BLACAT1: variants seen among roughly 807,000 people sequenced by gnomAD.
The protein encoded by BLACAT1 is BLACAT1 overlapping LEMD1 locus, also known as bladder cancer associated transcript 1.
At chr1:205,445,148 A>C (rs995198202) in intron 1 of BLACAT1, among the ~76,000 whole-genome samples, 2 of 152,046 alleles carry the variant, frequency 1.3e-5, no homozygotes, top group Admixed American at 1.3e-4. Flanking sequence ...AAAGAATTAA[A>C]AACGAAGGGG....
chr1:205,445,535 G>C (rs962097709), intron 1 of BLACAT1, among the ~76,000 whole-genome samples: 10 of 152,228 alleles, frequency 6.6e-5, no homozygotes, highest in Non-Finnish European at 1.3e-4. Flanking sequence ...ACAGACCCTA[G>C]CTTGCCAGAC....
At chr1:205,444,343 A>G (rs1331733883) in intron 1 of BLACAT1, among the ~76,000 whole-genome samples, 1 of 151,786 alleles carries the variant, frequency 6.6e-6, no homozygotes, top group Non-Finnish European at 1.5e-5. Context: ...CAGGTCCAAG[A>G]TGGTTTACGG....
exon 2 of BLACAT1, among the ~76,000 whole-genome samples, chr1:205,440,053 C>G (rs530182234): frequency 5.9e-5 from 9 of 152,152 alleles, no homozygotes; most frequent in African/African-American, 2.2e-4. Context: ...TGAACGCAGT[C>G]CCCTCTATGG....
chr1:205,448,782 TG>T lies in BLACAT1; in HGVS notation c.-37+7134del, dbSNP rs1047142869. 1.3e-5 allele frequency among the ~76,000 whole-genome samples: 2 copies of T among 152,220 alleles called. No homozygotes were observed. The highest frequency in any genetic ancestry group is 1.3e-4 in the Admixed American group (2 of 15,292). On this transcript the variant is annotated intron_variant, in intron 1 of 1. Coordinates refer to ENST00000629624, the Ensembl canonical transcript of BLACAT1. This position sits in a 1 kb window ranked among gnomAD's most constrained non-coding sequence, Gnocchi z 4.7. ...AGGCTGCTGCTGCCAGTACCCAGGA[TG>T]GGGGGCCCCAGGTTAGGCTCCCTCT...
At chr1:205,436,434 C>T (rs1407716838), downstream of BLACAT1, 3 of 152,212 alleles carry the variant, frequency 2.0e-5, no homozygotes, top group Admixed American at 1.3e-4. Flanking sequence ...AGTTCCTATC[C>T]CATGGAAATT....
chr1:205,455,172 C>T (rs546877377), intron 1 of BLACAT1, among the ~76,000 whole-genome samples: 10 of 152,256 alleles, frequency 6.6e-5, no homozygotes, highest in African/African-American at 2.2e-4. Context: ...TCCAGGTGGG[C>T]TCCTAGCTCC....
chr1:205,443,941 GAGC>G (rs1454937461), intron 1 of BLACAT1, among the ~76,000 whole-genome samples: 1 of 152,084 alleles, frequency 6.6e-6, no homozygotes, highest in African/African-American at 2.4e-5. Flanking sequence ...TGCTTTGCTC[GAGC>G]AGGAGTCCTG....
At chr1:205,439,578 C>T (rs1279757799), downstream of BLACAT1, among the ~76,000 whole-genome samples, 1 of 152,212 alleles carries the variant, frequency 6.6e-6, no homozygotes, top group Non-Finnish European at 1.5e-5. Flanking sequence ...GCCCACATTC[C>T]AAGGAAAGGG....
chr1:205,442,569 G>A (rs1331148145), intron 1 of BLACAT1, among the ~76,000 whole-genome samples: 1 of 152,162 alleles, frequency 6.6e-6, no homozygotes, highest in Non-Finnish European at 1.5e-5. Context: ...GCCTCTCAGC[G>A]TCCCGGTAAT....
intron 1 of BLACAT1, among the ~76,000 whole-genome samples, chr1:205,451,468 T>A (rs549513480): frequency 6.6e-6 from 1 of 152,036 alleles, no homozygotes; most frequent in Non-Finnish European, 1.5e-5. Flanking sequence ...GGGCCTCTGA[T>A]GAGAAGTGGA....
At chr1:205,439,353 G>A (rs1666256805), downstream of BLACAT1, among the ~76,000 whole-genome samples, 1 of 152,204 alleles carries the variant, frequency 6.6e-6, no homozygotes, top group Non-Finnish European at 1.5e-5. Context: ...GCAAAGGAAG[G>A]GGTTGGAGGA....
At chr1:205,442,551 C>T (rs1666312710) in intron 1 of BLACAT1, among the ~76,000 whole-genome samples, 1 of 152,228 alleles carries the variant, frequency 6.6e-6, no homozygotes, top group African/African-American at 2.4e-5. Context: ...AGATTCTCCC[C>T]TCCCTCAGCC....
At chr1:205,442,841 T>A (rs1254001189) in intron 1 of BLACAT1, among the ~76,000 whole-genome samples, 1 of 152,162 alleles carries the variant, frequency 6.6e-6, no homozygotes, top group Non-Finnish European at 1.5e-5. Context: ...GTGACAAACC[T>A]AGAGAGAGAC....
intron 1 of BLACAT1, among the ~76,000 whole-genome samples, chr1:205,452,178 T>A (rs1666506602): frequency 6.6e-6 from 1 of 152,148 alleles, no homozygotes; most frequent in Non-Finnish European, 1.5e-5. Context: ...AGGTCCAGCA[T>A]GAAAACTAAA....
At position 205,450,888 on chromosome 1, in the gene BLACAT1, G is replaced by C. The variant is rs1019551966; in HGVS notation, c.-37+5029C>G. On this transcript the variant is annotated intron_variant, in intron 1 of 1. Coordinates refer to ENST00000629624, the Ensembl canonical transcript of BLACAT1. This position sits in a 1 kb window ranked among gnomAD's most constrained non-coding sequence, Gnocchi z 4.4. ...CAGGTCAAGCCTCACCTCCTTTCCC[G>C]AGGAAAACCCTGCTTCCTCCAATCC... Among the ~76,000 whole-genome samples the C allele has an allele frequency of 1.3e-5, 2 of 152,290 alleles. No homozygotes were observed. The highest frequency in any genetic ancestry group is 6.5e-5 in the Admixed American group (1 of 15,302).
rs1666442113 is a variant in BLACAT1 at position 205,448,480 on chromosome 1, C to A, written c.-36-7418G>T. 1.2e-5 allele frequency: 6 copies of A among 496,558 alleles called. No homozygotes were observed. The highest frequency in any genetic ancestry group is 8.8e-5 in the South Asian group (6 of 68,012). The allele number at this position is 496,558 out of a possible 1,614,324, so 30.8% of individuals were successfully genotyped here. A position where few individuals can be genotyped will look rare whatever the true frequency, so the allele number is the denominator to read the frequency against. On this transcript the variant is annotated intron_variant, in intron 1 of 1. Coordinates refer to ENST00000629624, the Ensembl canonical transcript of BLACAT1. This position sits in a 1 kb window ranked among gnomAD's most constrained non-coding sequence, Gnocchi z 4.7. The stretch of plus-strand genomic sequence containing the variant: ...GCCCTCACTCCCCTTCTCAGCACCC[C>A]CGACCCCAGACCCACCCACACTGCC...
chr1:205,438,586 G>A (rs1666245015), downstream of BLACAT1, among the ~76,000 whole-genome samples: 1 of 152,224 alleles, frequency 6.6e-6, no homozygotes, highest in South Asian at 2.1e-4. Context: ...GGAAACTGAG[G>A]GACAATAGAA....
rs998776352 is a variant in BLACAT1, at chr1:205,440,942, GCTCT to G, written c.81_84del (p.Arg27SerfsTer101). ...GGTTCTGATCACACCGCCGTCTCCC[GCTCT>G]CTGTGAACTTCCTCCTTCTTCCTCT... On this transcript the variant is annotated frameshift_variant, in exon 2 of 2. Transcript: ENST00000629624. LOFTEE classifies it high-confidence loss of function. The G allele has an allele frequency of 2.0e-5, 3 of 152,386 alleles. No individual in the cohort carries two copies. Among genetic ancestry groups the G allele is most frequent in the African/African-American group, 7.2e-5 (3 of 41,458 alleles). 9.4% of individuals were successfully genotyped at this position (152,386 alleles called of 1,614,324 possible). A position where few individuals can be genotyped will look rare whatever the true frequency, so the allele number is the denominator to read the frequency against.
At chr1:205,440,201 C>T (rs1434767644) in exon 2 of BLACAT1, among the ~76,000 whole-genome samples, 1 of 152,132 alleles carries the variant, frequency 6.6e-6, no homozygotes, top group African/African-American at 2.4e-5. Context: ...GGGAACAGGC[C>T]TCCCCACATC....
Sources: gnomAD v4.1 joint callset for allele counts (sites outside exome capture counted in the v4.1 genomes callset) on GRCh38, gnomAD v4.1.1 for gene constraint, Gnocchi (gnomAD v3.1) non-coding constraint, MANE v1.5 for transcripts, NCBI Gene and HGNC (gene_info 2026-07-23, HGNC 2026-07-21) for gene names.